The following GPR149 variants were observed in gnomAD, a reference collection of about 807,000 sequenced individuals.
The protein encoded by GPR149 is G protein-coupled receptor 149, also known as probable G protein-coupled receptor 149.
GPR149 carries 50 observed loss-of-function variants against 50.2 expected under a neutral mutation model. That is an observed-to-expected ratio of 1.00 (90% CI 0.79 to 1.26). The LOEUF (loss-of-function observed/expected upper bound fraction) is 1.26. GPR149 is among the 50% of genes most tolerant of loss of function. The pLI is 0.00. For missense variants in GPR149, 983 were observed against 895.4 expected (o/e 1.10, Z -1.25); for synonymous variants, 405 against 358.2 (o/e 1.13, Z -1.48).
intron 1 of GPR149, among the ~76,000 whole-genome samples, chr3:154,428,226 GTCC>G (rs1437211764): frequency 6.6e-6 from 1 of 152,168 alleles, no homozygotes; most frequent in Non-Finnish European, 1.5e-5. Context: ...GATGGGCGTC[GTCC>G]TCTCTAGGCG....
chr3:154,399,999 T>G (rs906174089), intron 3 of GPR149, among the ~76,000 whole-genome samples: 3 of 152,182 alleles, frequency 2.0e-5, no homozygotes, highest in African/African-American at 7.2e-5. Context: ...TTATTATTAT[T>G]ATTTTGAGAC....
At chr3:154,395,675 A>G (rs1322562067) in intron 3 of GPR149, among the ~76,000 whole-genome samples, 1 of 152,090 alleles carries the variant, frequency 6.6e-6, no homozygotes, top group Non-Finnish European at 1.5e-5. Context: ...GTGTGCCTGT[A>G]GTTCCAGCTG....
intron 3 of GPR149, chr3:154,352,407 C>T: frequency 3.1e-6 from 3 of 975,210 alleles, no homozygotes; most frequent in Admixed American, 1.7e-5. Context: ...GGAATCGTGC[C>T]ACACTGCCTG....
intron 3 of GPR149, among the ~76,000 whole-genome samples, chr3:154,374,137 T>C: frequency 2.4e-5 from 1 of 41,072 alleles, no homozygotes; most frequent in Admixed American, 3.8e-4. Flanking sequence ...CTTTTTTTCC[T>C]TCTATTTTCT....
intron 3 of GPR149, among the ~76,000 whole-genome samples, chr3:154,369,564 C>T (rs1186032369): frequency 6.6e-6 from 1 of 152,202 alleles, no homozygotes; most frequent in East Asian, 1.9e-4. Context: ...GTTAAAGGCA[C>T]ACCGGAAAGA....
At chr3:154,351,201 T>C (rs1412321298) in intron 3 of GPR149, among the ~76,000 whole-genome samples, 1 of 150,316 alleles carries the variant, frequency 6.7e-6, no homozygotes, top group Non-Finnish European at 1.5e-5. Flanking sequence ...AATCCAAATG[T>C]AGACTCACTC....
chr3:154,391,456 T>TA (rs1715166457), intron 3 of GPR149, among the ~76,000 whole-genome samples: 1 of 149,602 alleles, frequency 6.7e-6, no homozygotes, highest in African/African-American at 2.5e-5. Flanking sequence ...AGAAGAGCCA[T>TA]AAAAAAAGAG....
intron 3 of GPR149, among the ~76,000 whole-genome samples, chr3:154,375,522 C>T (rs1002340541): frequency 1.1e-4 from 17 of 152,112 alleles, no homozygotes; most frequent in African/African-American, 4.1e-4. Context: ...TGAATGAATC[C>T]TAATACTGAA....
chr3:154,352,721 C>A (rs968077979), intron 3 of GPR149: 2 of 785,500 alleles, frequency 2.5e-6, no homozygotes, highest in Non-Finnish European at 4.7e-6. Context: ...TCAACAGCAG[C>A]ATAAGAAACG....
At position 154,337,846 on chromosome 3, in the gene GPR149, AC is replaced by A; in HGVS notation, c.2048del (p.Gly683ValfsTer11). 1.9e-6 allele frequency: 3 copies of A among 1,613,800 alleles called. No homozygotes were observed. The highest frequency in any genetic ancestry group is 2.5e-6 in the Non-Finnish European group (3 of 1,179,776). Reference protein sequence around the residue: ...SLFLPTSNPDGDINISIPDTV... With the variant: ...SLFLPTSNPDXDINISIPDTV... ...TGTCTGGAATGGAGATATTAATATC[AC>A]CATCAGGATTACTGGTGGGCAAAAA... On this transcript the variant is annotated frameshift_variant, in exon 4 of 4. Transcript: ENST00000389740. LOFTEE classifies it high-confidence loss of function.
At chr3:154,377,805 G>A (rs1488099662) in intron 3 of GPR149, among the ~76,000 whole-genome samples, 1 of 152,080 alleles carries the variant, frequency 6.6e-6, no homozygotes, top group African/African-American at 2.4e-5. Flanking sequence ...TCCAGTTTTA[G>A]AACAGTTCCA....
chr3:154,423,849 A>T (rs902112373), intron 2 of GPR149, among the ~76,000 whole-genome samples: 1 of 151,514 alleles, frequency 6.6e-6, no homozygotes, highest in Non-Finnish European at 1.5e-5. Context: ...TATTATTATT[A>T]TTTTTTATTA....
intron 3 of GPR149, among the ~76,000 whole-genome samples, chr3:154,402,412 T>C (rs1559985867): frequency 2.7e-5 from 1 of 36,716 alleles, no homozygotes; most frequent in Non-Finnish European, 5.4e-5. Context: ...TGAGACCCTG[T>C]CTCAAATAAA....
chr3:154,415,860 G>A (rs1711971363), intron 3 of GPR149, among the ~76,000 whole-genome samples: 1 of 151,852 alleles, frequency 6.6e-6, no homozygotes, highest in Admixed American at 6.6e-5. Flanking sequence ...TGAACAGCTA[G>A]TAATAAACTA....
intron 3 of GPR149, among the ~76,000 whole-genome samples, chr3:154,364,492 CT>C (rs1267653053): frequency 6.6e-6 from 1 of 152,140 alleles, no homozygotes; most frequent in Non-Finnish European, 1.5e-5. Context: ...TATAAATCAT[CT>C]CAGGCAAATT....
chr3:154,375,434 G>A lies in GPR149; in HGVS notation c.1624-37163C>T, dbSNP rs754280444. Among the ~76,000 whole-genome samples, 5 of 152,074 alleles carry A rather than the reference G, an allele frequency of 3.3e-5. No homozygotes were observed. In the East Asian group the frequency reaches 9.6e-4, roughly 29 times the overall value. ...AAATTCCTGTCCAAAATACCTGTAG[G>A]CTATTTTGTCAAATTGAAGCTAAAA... is the stretch of plus-strand genomic sequence containing the variant. On this transcript the variant is annotated intron_variant, in intron 3 of 3. Transcript: ENST00000389740.
At chr3:154,371,719 T>C (rs1714666552) in intron 3 of GPR149, among the ~76,000 whole-genome samples, 1 of 152,148 alleles carries the variant, frequency 6.6e-6, no homozygotes, top group Non-Finnish European at 1.5e-5. Flanking sequence ...GAATCATTAC[T>C]GAAAAGGTCA....
At chr3:154,367,488 G>A (rs183631737) in intron 3 of GPR149, among the ~76,000 whole-genome samples, 52 of 152,268 alleles carry the variant, frequency 3.4e-4, no homozygotes, top group Non-Finnish European at 6.8e-4. Flanking sequence ...AGGTCATAAA[G>A]TAGATAAACT....
intron 3 of GPR149, among the ~76,000 whole-genome samples, chr3:154,367,194 G>C (rs563093939): frequency 1.3e-5 from 2 of 152,112 alleles, no homozygotes; most frequent in African/African-American, 4.8e-5. Context: ...ACTTATTTTG[G>C]TCTTGGATGA....
Sources: gnomAD v4.1 joint callset for allele counts (sites outside exome capture counted in the v4.1 genomes callset) on GRCh38, gnomAD v4.1.1 for gene constraint, MANE v1.5 for transcripts, NCBI Gene and HGNC (gene_info 2026-07-23, HGNC 2026-07-21) for gene names.